The following TBCA variants were observed in gnomAD, a reference collection of about 807,000 sequenced individuals.
The protein encoded by TBCA is tubulin-specific chaperone A.
A neutral mutation model predicts 15.8 loss-of-function variants in TBCA; 6 were observed. The observed-to-expected ratio is 0.38, with a 90% CI of 0.21 to 0.75. TBCA has a LOEUF of 0.75. TBCA is among the 30% of genes least tolerant of loss of function. The pLI is 0.46. For missense variants in TBCA, 90 were observed against 131.2 expected (o/e 0.69, Z 1.53); for synonymous variants, 32 against 42.3 (o/e 0.76, Z 0.94).
intron 1 of TBCA, among the ~76,000 whole-genome samples, chr5:77,718,399 T>C (rs956306239): frequency 6.6e-6 from 1 of 152,164 alleles, no homozygotes; most frequent in African/African-American, 2.4e-5. Context: ...GGAAACAATA[T>C]GGCACCAGGA....
chr5:77,706,640 C>T (rs1005561759), intron 2 of TBCA, among the ~76,000 whole-genome samples: 1 of 151,630 alleles, frequency 6.6e-6, no homozygotes, highest in African/African-American at 2.4e-5. Context: ...GACAAAACCC[C>T]GTCTCTACTA....
intron 1 of TBCA, among the ~76,000 whole-genome samples, chr5:77,714,575 A>ATTTTTTT (rs146736386): frequency 2.0e-5 from 3 of 148,920 alleles, no homozygotes; most frequent in Non-Finnish European, 3.0e-5. Flanking sequence ...TATTATTATT[A>ATTTTTTT]TTTTTTTTTG....
intron 1 of TBCA, among the ~76,000 whole-genome samples, chr5:77,730,301 A>G (rs977150035): frequency 3.3e-5 from 5 of 152,198 alleles, no homozygotes; most frequent in African/African-American, 1.2e-4. Flanking sequence ...GGTCACATGA[A>G]GACAGAGATA....
intron 1 of TBCA, among the ~76,000 whole-genome samples, chr5:77,757,228 C>T (rs1747496695): frequency 5.3e-5 from 8 of 152,068 alleles, no homozygotes. Flanking sequence ...TTACAGAGTG[C>T]TCTAATGGTA....
chr5:77,709,623 A>C (rs903996409), intron 1 of TBCA, among the ~76,000 whole-genome samples: 2 of 152,186 alleles, frequency 1.3e-5, no homozygotes, highest in African/African-American at 4.8e-5. Flanking sequence ...GGAAAGTTTA[A>C]CTATTCCTCA....
chr5:77,758,742 G>A (rs1463100719), intron 1 of TBCA, among the ~76,000 whole-genome samples: 1 of 152,182 alleles, frequency 6.6e-6, no homozygotes, highest in Non-Finnish European at 1.5e-5. Context: ...GAAGTTGTAT[G>A]TATGCCTGCC....
At chr5:77,714,476 T>C (rs1025840183) in intron 1 of TBCA, among the ~76,000 whole-genome samples, 1 of 152,144 alleles carries the variant, frequency 6.6e-6, no homozygotes, top group African/African-American at 2.4e-5. Context: ...CTTCAAAGTT[T>C]TGAGAGAAAA....
At chr5:77,705,610 T>C (rs1302918684) in intron 2 of TBCA, 4 of 398,520 alleles carry the variant, frequency 1.0e-5, no homozygotes, top group South Asian at 2.5e-4. Flanking sequence ...GGAGGATCAC[T>C]GGAGGCCAGG....
At chr5:77,691,706 G>T in intron 3 of TBCA, 1 of 1,303,758 alleles carries the variant, frequency 7.7e-7, no homozygotes, top group East Asian at 3.5e-5. Flanking sequence ...TGGTGGTTTT[G>T]TTTCACTGTA....
In TBCA at chr5:77,693,459, T is replaced by C. The variant is rs567330273; in HGVS notation, c.160-107A>G. 127 of 1,283,870 alleles carry C rather than the reference T, an allele frequency of 9.9e-5. 1 individual carries two copies. The East Asian group carries it at 3.0e-3, about 30-fold the overall frequency. 79.5% of individuals were successfully genotyped at this position (1,283,870 alleles called of 1,614,324 possible). A position where few individuals can be genotyped will look rare whatever the true frequency, so the allele number is the denominator to read the frequency against. ...ATTAAGAGGAATCAGAAAAAAGTTA[T>C]GGTTATGTTAAATGGTTCAATATTT... On this transcript the variant is annotated intron_variant, in intron 2 of 3. Transcript: ENST00000380377.
chr5:77,776,091 G>A (rs1363128868), intron 1 of TBCA, 114 bp downstream of exon 1: 26 of 1,339,666 alleles, frequency 1.9e-5, no homozygotes, highest in Non-Finnish European at 2.7e-5. Flanking sequence ...CCCCGGGTGC[G>A]GCCTGGAGTT....
At chr5:77,707,250 A>G (rs891212498) in intron 2 of TBCA, among the ~76,000 whole-genome samples, 1 of 152,174 alleles carries the variant, frequency 6.6e-6, no homozygotes, top group Non-Finnish European at 1.5e-5. Flanking sequence ...TTGTCGTAAG[A>G]ATATGAGAAA....
chr5:77,718,622 G>T (rs1746460792), intron 1 of TBCA, among the ~76,000 whole-genome samples: 2 of 152,146 alleles, frequency 1.3e-5, no homozygotes, highest in Admixed American at 6.5e-5. Context: ...AATCCTTGTG[G>T]TCATTATAAA....
At chr5:77,738,646 G>C (rs148306244) in intron 1 of TBCA, among the ~76,000 whole-genome samples, 1 of 152,132 alleles carries the variant, frequency 6.6e-6, no homozygotes, top group Non-Finnish European at 1.5e-5. Flanking sequence ...GTGGTGGTGC[G>C]ATCTTGGCTC....
At chr5:77,755,555 C>A (rs1333429492) in intron 1 of TBCA, among the ~76,000 whole-genome samples, 2 of 151,592 alleles carry the variant, frequency 1.3e-5, no homozygotes, top group Non-Finnish European at 2.9e-5. Flanking sequence ...AGCCTGGGCA[C>A]AGAGCGAGAC....
chr5:77,717,210 TA>T (rs1209486507), intron 1 of TBCA, among the ~76,000 whole-genome samples: 2 of 152,186 alleles, frequency 1.3e-5, no homozygotes, highest in African/African-American at 2.4e-5. Flanking sequence ...CAGGCGATAA[TA>T]AATATCCTTA....
At chr5:77,717,637 G>A (rs1274131346) in intron 1 of TBCA, among the ~76,000 whole-genome samples, 5 of 149,484 alleles carry the variant, frequency 3.3e-5, no homozygotes, top group South Asian at 4.3e-4. Context: ...CGAGGCTACC[G>A]TGACCAACAT....
At chr5:77,746,110 T>C (rs1466055231) in intron 1 of TBCA, among the ~76,000 whole-genome samples, 1 of 152,120 alleles carries the variant, frequency 6.6e-6, no homozygotes, top group Non-Finnish European at 1.5e-5. Context: ...TAGAGATATC[T>C]GAAAGTTGCC....
At chr5:77,741,643 C>T (rs1747033904) in intron 1 of TBCA, among the ~76,000 whole-genome samples, 1 of 152,064 alleles carries the variant, frequency 6.6e-6, no homozygotes. Flanking sequence ...GAGCAGATGG[C>T]TAGGGAGTAT....
Sources: allele counts gnomAD v4.1 joint callset (sites outside exome capture counted in the v4.1 genomes callset), GRCh38; gene constraint gnomAD v4.1.1; transcripts MANE v1.5; gene names NCBI Gene and HGNC (gene_info 2026-07-23, HGNC 2026-07-21).